SGCD: variants seen among roughly 807,000 people sequenced by gnomAD.
SGCD encodes the protein delta-sarcoglycan.
A neutral mutation model predicts 36.6 loss-of-function variants in SGCD; 18 were observed. The ratio of observed to expected loss-of-function variants is 0.49; its 90% CI spans 0.34 to 0.73. SGCD has a LOEUF of 0.73. Among genes scored for constraint, SGCD ranks in the 30% least tolerant of loss-of-function variants. The pLI is 0.01. For synonymous variants in SGCD, 133 were observed against 130.6 expected, an observed-to-expected ratio of 1.02 and a Z score of -0.12; for missense variants, 387 against 346.7, an observed-to-expected ratio of 1.12 and a Z score of -0.92.
intron 3 of SGCD, among the ~76,000 whole-genome samples, chr5:156,220,918 C>A (rs1764701530): frequency 6.6e-6 from 1 of 152,066 alleles, no homozygotes; most frequent in African/African-American, 2.4e-5. Flanking sequence ...TGGGCATGTT[C>A]ATTTTGTGTG....
chr5:156,089,242 G>A (rs1261246178), intron 1 of SGCD, among the ~76,000 whole-genome samples: 1 of 152,196 alleles, frequency 6.6e-6, no homozygotes, highest in Non-Finnish European at 1.5e-5. Context: ...CCACTTCATG[G>A]TTCTACTCTG....
intron 4 of SGCD, among the ~76,000 whole-genome samples, chr5:156,574,491 G>T (rs1759844232): frequency 6.6e-6 from 1 of 152,106 alleles, no homozygotes; most frequent in Admixed American, 6.5e-5. Context: ...GTGTAATCTA[G>T]GGTTACTGGT....
chr5:156,540,022 A>G (rs1758290222), intron 4 of SGCD, among the ~76,000 whole-genome samples: 1 of 152,146 alleles, frequency 6.6e-6, no homozygotes, highest in Non-Finnish European at 1.5e-5. Flanking sequence ...TCTTTTACAT[A>G]TGCCACACCT....
At chr5:156,206,226 A>G (rs1348733391) in intron 3 of SGCD, among the ~76,000 whole-genome samples, 4 of 151,790 alleles carry the variant, frequency 2.6e-5, no homozygotes, top group Admixed American at 2.0e-4. Flanking sequence ...AGAATACTTC[A>G]TTGTGTGTAC....
intron 6 of SGCD, among the ~76,000 whole-genome samples, chr5:156,625,135 C>T (rs1280494118): frequency 6.6e-6 from 1 of 152,158 alleles, no homozygotes; most frequent in Non-Finnish European, 1.5e-5. Flanking sequence ...GGAACAAGCC[C>T]CCTCCCCAGC....
intron 3 of SGCD, among the ~76,000 whole-genome samples, chr5:156,127,089 C>T (rs1466729166): frequency 1.3e-5 from 2 of 152,072 alleles, no homozygotes; most frequent in African/African-American, 4.8e-5. Context: ...ATATTAATGA[C>T]CCATATGCCT....
At chr5:156,511,271 G>A (rs543488043) in intron 4 of SGCD, among the ~76,000 whole-genome samples, 62 of 152,204 alleles carry the variant, frequency 4.1e-4, no homozygotes, top group African/African-American at 1.4e-3. Context: ...AATAAAATCC[G>A]TAAGTCATGT....
intron 3 of SGCD, among the ~76,000 whole-genome samples, chr5:156,479,306 G>A (rs755461954): frequency 6.6e-6 from 1 of 152,022 alleles, no homozygotes; most frequent in Non-Finnish European, 1.5e-5. Context: ...ATGTTGGCCA[G>A]GCTGGTCTTG....
At chr5:156,046,876 CAG>C (rs1759779071) in intron 1 of SGCD, among the ~76,000 whole-genome samples, 1 of 152,116 alleles carries the variant, frequency 6.6e-6, no homozygotes, top group Non-Finnish European at 1.5e-5. Context: ...TGTCTAAAGC[CAG>C]ATAGACTGAA....
chr5:156,430,210 T>G (rs1019247577), intron 3 of SGCD, among the ~76,000 whole-genome samples: 1 of 152,126 alleles, frequency 6.6e-6, no homozygotes, highest in Non-Finnish European at 1.5e-5. Flanking sequence ...TGTTCAGTTT[T>G]TAAAACTCTT....
chr5:155,768,532 A>G, the SGCD span, among the ~76,000 whole-genome samples: 3 of 152,118 alleles, frequency 2.0e-5, no homozygotes, highest in African/African-American at 7.2e-5. Flanking sequence ...TGAGGTGTGA[A>G]CCAAAGGCTG....
At chr5:156,604,768 TAC>T (rs1483284491) in intron 6 of SGCD, among the ~76,000 whole-genome samples, 1 of 148,510 alleles carries the variant, frequency 6.7e-6, no homozygotes, top group East Asian at 1.9e-4. Context: ...TATGTATATA[TAC>T]ATATATACAC....
At chr5:155,806,248 G>A in the SGCD span, among the ~76,000 whole-genome samples, 3 of 152,150 alleles carry the variant, frequency 2.0e-5, no homozygotes, top group African/African-American at 4.8e-5. Context: ...TCCGCCTCCT[G>A]GGTTCAAGCG....
intron 1 of SGCD, among the ~76,000 whole-genome samples, chr5:156,073,970 C>G (rs1176476867): frequency 1.3e-5 from 2 of 152,114 alleles, no homozygotes; most frequent in African/African-American, 4.8e-5. Flanking sequence ...GACAACCCAG[C>G]TAGGTCTTGA....
chr5:156,453,747 A>AAAC (rs544004360), intron 3 of SGCD, among the ~76,000 whole-genome samples: 82 of 152,306 alleles, frequency 5.4e-4, no homozygotes, highest in African/African-American at 1.9e-3. Context: ...AAAAACAAAC[A>AAAC]AACAAACAAA....
rs968955161 is a variant in SGCD at position 155,896,485 on chromosome 5, A to C, written c.-282+26061A>C. 4.6e-5 allele frequency among the ~76,000 whole-genome samples: 7 copies of C among 151,628 alleles called. No individual in the cohort carries two copies. In the East Asian group the frequency reaches 9.7e-4, roughly 21 times the overall value. On this transcript the variant is annotated intron_variant, in intron 1 of 9. Coordinates refer to the SGCD transcript ENST00000517913. Reference sequence around the variant, plus strand: ...ACCCTGTCTCTACAAAAAAAAAAAAAAAACACAAGAATTAGGCAGCCACGA... The same window carrying C: ...ACCCTGTCTCTACAAAAAAAAAAAACAAACACAAGAATTAGGCAGCCACGA...
chr5:156,712,558 G>A (rs157350), intron 7 of SGCD, among the ~76,000 whole-genome samples: 139,861 of 152,310 alleles, frequency 0.92, 64,387 homozygotes, highest in East Asian at 0.99. Context: ...GTTAAGAAAA[G>A]GTAGAGATAA....
chr5:155,889,995 G>C (rs564384677), intron 1 of SGCD, among the ~76,000 whole-genome samples: 1 of 152,194 alleles, frequency 6.6e-6, no homozygotes, highest in South Asian at 2.1e-4. Context: ...ATGATATAAA[G>C]CAGCATATTT....
intron 1 of SGCD, among the ~76,000 whole-genome samples, chr5:155,893,178 A>G (rs1387557357): frequency 1.3e-5 from 2 of 150,900 alleles, no homozygotes; most frequent in Non-Finnish European, 2.9e-5. Context: ...TGCCTATAAC[A>G]CTGATTTGGT....
Sources: allele counts gnomAD v4.1 joint callset (sites outside exome capture counted in the v4.1 genomes callset), GRCh38; gene constraint gnomAD v4.1.1; transcripts MANE v1.5; gene names NCBI Gene and HGNC (gene_info 2026-07-23, HGNC 2026-07-21).